Variants in PDZRN4 observed in about 807,000 individuals in gnomAD.
PDZRN4 encodes PDZ domain containing ring finger 4.
Under a neutral mutation model 99.0 loss-of-function variants are expected in PDZRN4, and 70 were observed. That is an observed-to-expected ratio of 0.71 (90% CI 0.58 to 0.86). The LOEUF is 0.86. PDZRN4 is among the 40% of genes least tolerant of loss of function. The pLI is 0.00. For synonymous variants in PDZRN4, 551 were observed against 501.6 expected, an observed-to-expected ratio of 1.10 and a Z score of -1.32; for missense variants, 1,474 against 1,331.2, an observed-to-expected ratio of 1.11 and a Z score of -1.67.
intron 3 of PDZRN4, among the ~76,000 whole-genome samples, chr12:41,204,053 T>TAAATGCAAAA (rs1282152801): frequency 1.3e-5 from 2 of 151,934 alleles, no homozygotes; most frequent in African/African-American, 2.4e-5. Context: ...TTGTAGCAAA[T>TAAATGCAAAA]AAATGCAATA....
chr12:41,239,452 A>G (rs1165459611), intron 3 of PDZRN4, among the ~76,000 whole-genome samples: 2 of 152,224 alleles, frequency 1.3e-5, no homozygotes, highest in African/African-American at 4.8e-5. Context: ...ATGCACATGT[A>G]TCCCTGAACT....
chr12:41,432,906 G>C (rs75431164), intron 3 of PDZRN4, among the ~76,000 whole-genome samples: 2,594 of 152,214 alleles, frequency 0.017, 30 homozygotes, highest in Non-Finnish European at 0.028. Context: ...AAAAAGAATC[G>C]TGTATTCAAA....
chr12:41,535,009 G>C (rs1021233436), intron 5 of PDZRN4, among the ~76,000 whole-genome samples: 2 of 150,814 alleles, frequency 1.3e-5, no homozygotes, highest in Non-Finnish European at 2.9e-5. Flanking sequence ...CCCTCCTCAG[G>C]TATGTCCAAC....
At chr12:41,418,017 G>A (rs1952458326) in intron 3 of PDZRN4, among the ~76,000 whole-genome samples, 1 of 152,084 alleles carries the variant, frequency 6.6e-6, no homozygotes. Flanking sequence ...CATACCACTT[G>A]TATAATTACA....
chr12:41,407,003 C>T (rs574067717), intron 3 of PDZRN4, among the ~76,000 whole-genome samples: 5 of 152,058 alleles, frequency 3.3e-5, no homozygotes, highest in African/African-American at 1.2e-4. Flanking sequence ...ATGCTACAAC[C>T]TTTAGGTGTT....
chr12:41,367,322 TA>T (rs1450033611), intron 3 of PDZRN4, among the ~76,000 whole-genome samples: 1 of 151,944 alleles, frequency 6.6e-6, no homozygotes, highest in Non-Finnish European at 1.5e-5. Context: ...TCAGCCTGAC[TA>T]ATATGGTGAA....
At chr12:41,467,377 C>A (rs1022641485) in intron 3 of PDZRN4, among the ~76,000 whole-genome samples, 15 of 152,076 alleles carry the variant, frequency 9.9e-5, no homozygotes, top group Admixed American at 9.8e-4. Flanking sequence ...GAAATTAATA[C>A]CCCAGGTGTC....
At chr12:41,202,118 T>C (rs987556495) in intron 3 of PDZRN4, among the ~76,000 whole-genome samples, 24 of 152,146 alleles carry the variant, frequency 1.6e-4, no homozygotes, top group Non-Finnish European at 3.4e-4. Flanking sequence ...TTTTCAATGT[T>C]TCCAAGCCTT....
intron 3 of PDZRN4, among the ~76,000 whole-genome samples, chr12:41,293,420 C>G (rs544789425): frequency 6.6e-6 from 1 of 151,740 alleles, no homozygotes; most frequent in Admixed American, 6.6e-5. Flanking sequence ...CTGGCTCTCC[C>G]CTACTACCTG....
At chr12:41,232,827 C>A (rs1370958555) in intron 3 of PDZRN4, among the ~76,000 whole-genome samples, 1 of 151,478 alleles carries the variant, frequency 6.6e-6, no homozygotes, top group Non-Finnish European at 1.5e-5. Context: ...GTCTTTAATC[C>A]ATCTTGAATT....
At chr12:41,220,244 G>C (rs969076032) in intron 3 of PDZRN4, among the ~76,000 whole-genome samples, 1 of 152,072 alleles carries the variant, frequency 6.6e-6, no homozygotes, top group South Asian at 2.1e-4. Flanking sequence ...TTAGTTTCCC[G>C]TGAGTCCTTT....
At chr12:41,402,980 T>A (rs1952314980) in intron 3 of PDZRN4, among the ~76,000 whole-genome samples, 1 of 152,046 alleles carries the variant, frequency 6.6e-6, no homozygotes, top group South Asian at 2.1e-4. Context: ...ATCTCACTGT[T>A]GGGTGACTCA....
At chr12:41,229,649 C>A (rs1435999598) in intron 3 of PDZRN4, among the ~76,000 whole-genome samples, 2 of 152,048 alleles carry the variant, frequency 1.3e-5, no homozygotes, top group African/African-American at 4.8e-5. Context: ...ACTCCATGAC[C>A]TCTGGCACCA....
At position 41,271,701 on chromosome 12, in the gene PDZRN4, G is replaced by A. The variant is rs774872906; in HGVS notation, c.843+77513G>A. 4.3e-4 allele frequency among the ~76,000 whole-genome samples: 66 copies of A among 152,032 alleles called. 1 individual carries two copies. The highest frequency in any genetic ancestry group is 8.5e-4 in the Admixed American group (13 of 15,240). On this transcript the variant is annotated intron_variant, in intron 3 of 9. Coordinates refer to ENST00000402685, the MANE Select transcript of PDZRN4 (RefSeq NM_001164595.2). ...ATTCTGCACTCCACATGCATTTGCC[G>A]TTTTGATTAATGAACATAAATCAGC...
At chr12:41,194,735 T>TA (rs1226678276) in intron 3 of PDZRN4, among the ~76,000 whole-genome samples, 1 of 152,230 alleles carries the variant, frequency 6.6e-6, no homozygotes, top group Non-Finnish European at 1.5e-5. Flanking sequence ...TCAAATGTGT[T>TA]AATGAATACC....
At chr12:41,235,566 AC>A (rs1473186865) in intron 3 of PDZRN4, among the ~76,000 whole-genome samples, 3 of 152,196 alleles carry the variant, frequency 2.0e-5, no homozygotes, top group Non-Finnish European at 2.9e-5. Context: ...GGAACTAGAC[AC>A]ATAAGTTAAT....
intron 3 of PDZRN4, among the ~76,000 whole-genome samples, chr12:41,366,255 T>A (rs961570959): frequency 2.6e-5 from 4 of 152,098 alleles, no homozygotes; most frequent in Admixed American, 6.6e-5. Context: ...CGGCCATAGA[T>A]TTTGTGCAAA....
intron 3 of PDZRN4, among the ~76,000 whole-genome samples, chr12:41,465,803 A>G (rs957922014): frequency 1.3e-5 from 2 of 152,192 alleles, no homozygotes; most frequent in Admixed American, 6.5e-5. Context: ...CCAACTGTTT[A>G]TTTATAGAGT....
At chr12:41,219,736 T>G (rs1034776304) in intron 3 of PDZRN4, among the ~76,000 whole-genome samples, 2 of 152,160 alleles carry the variant, frequency 1.3e-5, no homozygotes, top group African/African-American at 4.8e-5. Context: ...TGTGGGTATT[T>G]GCTGGTTTTG....
Sources: gnomAD v4.1 joint callset for allele counts (sites outside exome capture counted in the v4.1 genomes callset) on GRCh38, gnomAD v4.1.1 for gene constraint, MANE v1.5 for transcripts, NCBI Gene and HGNC (gene_info 2026-07-23, HGNC 2026-07-21) for gene names.